The following BMPER variants were observed in gnomAD, a reference collection of about 807,000 sequenced individuals.
The protein encoded by BMPER is BMP binding endothelial regulator.
Under a neutral mutation model 87.3 loss-of-function variants are expected in BMPER, and 45 were observed. The ratio of observed to expected loss-of-function variants is 0.52; its 90% CI spans 0.41 to 0.66. The LOEUF is 0.66. BMPER is among the 30% of genes least tolerant of loss of function. BMPER has a pLI of 0.00. For missense variants in BMPER, 784 were observed against 867.5 expected (o/e 0.90, Z 1.21); for synonymous variants, 326 against 316.2 (o/e 1.03, Z -0.33).
At chr7:34,092,465 T>C (rs1396157112) in intron 13 of BMPER, among the ~76,000 whole-genome samples, 1 of 152,192 alleles carries the variant, frequency 6.6e-6, no homozygotes, top group African/African-American at 2.4e-5. Flanking sequence ...CCTCTTCTTG[T>C]ATGGTGTTAC....
chr7:34,025,365 C>T (rs2127948315), intron 6 of BMPER, among the ~76,000 whole-genome samples: 1 of 152,044 alleles, frequency 6.6e-6, no homozygotes, highest in East Asian at 1.9e-4. Context: ...CAGGGTCAGG[C>T]ACATAGGAGA....
intron 13 of BMPER, among the ~76,000 whole-genome samples, chr7:34,086,461 T>C (rs921565002): frequency 7.9e-5 from 12 of 152,208 alleles, no homozygotes; most frequent in African/African-American, 2.9e-4. Flanking sequence ...CTGGTTCCCC[T>C]AAACGGAATC....
chr7:34,046,245 G>A, intron 6 of BMPER, 61 bp from the exon 7 acceptor site: 1 of 1,501,250 alleles, frequency 6.7e-7, no homozygotes, highest in Non-Finnish European at 9.3e-7. Flanking sequence ...AGATATCTTG[G>A]TTGTACAATC....
intron 2 of BMPER, among the ~76,000 whole-genome samples, chr7:33,929,616 T>A (rs1427482): frequency 0.35 from 52,663 of 152,070 alleles, 9,274 homozygotes; most frequent in African/African-American, 0.4. Context: ...TGAAGCTATA[T>A]AGCATAGTGA....
chr7:33,976,442 T>C (rs1431926836), intron 6 of BMPER, among the ~76,000 whole-genome samples: 1 of 152,196 alleles, frequency 6.6e-6, no homozygotes, highest in Non-Finnish European at 1.5e-5. Flanking sequence ...TGTGAGCCGC[T>C]ATGCCTGGCC....
At chr7:34,101,728 G>C (rs553224433) in intron 13 of BMPER, among the ~76,000 whole-genome samples, 1 of 152,254 alleles carries the variant, frequency 6.6e-6, no homozygotes, top group Admixed American at 6.5e-5. Context: ...CCGACTTCCT[G>C]TCATGCTGGT....
chr7:33,950,003 C>T (rs1784982673), intron 3 of BMPER, among the ~76,000 whole-genome samples: 1 of 152,156 alleles, frequency 6.6e-6, no homozygotes, highest in African/African-American at 2.4e-5. Flanking sequence ...AGTAAGGAAA[C>T]TTAAAACAGA....
chr7:33,996,551 T>G (rs1786416760), intron 6 of BMPER, among the ~76,000 whole-genome samples: 1 of 152,214 alleles, frequency 6.6e-6, no homozygotes, highest in Non-Finnish European at 1.5e-5. Flanking sequence ...GAATCATTTC[T>G]TTTCTTCAGT....
chr7:34,054,168 C>G lies in BMPER; in HGVS notation c.787-995C>G, dbSNP rs546424452. On this transcript the variant is annotated intron_variant, in intron 8 of 14. Coordinates refer to ENST00000649409, the MANE Select transcript of BMPER (RefSeq NM_001365308.1). ...ACCTCCCTTCTTACATTGCGAAGAA[C>G]TCCTTGAGGACAGAAGTACATTTAT... Among the ~76,000 whole-genome samples, 6 of 152,304 alleles carry G rather than the reference C, an allele frequency of 3.9e-5. No individual in the cohort carries two copies. The East Asian group carries it at 1.2e-3, about 29-fold the overall frequency.
chr7:34,014,885 T>A (rs1184521859), intron 6 of BMPER, among the ~76,000 whole-genome samples: 1 of 151,956 alleles, frequency 6.6e-6, no homozygotes, highest in Non-Finnish European at 1.5e-5. Context: ...CTGGCATATT[T>A]TTAGTGTTTC....
intron 11 of BMPER, among the ~76,000 whole-genome samples, chr7:34,062,617 T>A (rs1173371115): frequency 1.3e-5 from 2 of 152,186 alleles, no homozygotes; most frequent in African/African-American, 4.8e-5. Context: ...GAGAAATGCA[T>A]CCTTAGGTGA....
intron 3 of BMPER, among the ~76,000 whole-genome samples, chr7:33,957,191 CAA>C (rs947242765): frequency 4.6e-5 from 7 of 151,680 alleles, no homozygotes; most frequent in African/African-American, 9.7e-5. Context: ...AAACTGGAAA[CAA>C]CCCAGATGCC....
At chr7:34,121,553 C>G (rs938254974) in intron 13 of BMPER, among the ~76,000 whole-genome samples, 5 of 152,150 alleles carry the variant, frequency 3.3e-5, no homozygotes, top group African/African-American at 1.2e-4. Flanking sequence ...TCCTTGACCT[C>G]TTGGGAGTTT....
At chr7:34,005,937 C>T (rs999254848) in intron 6 of BMPER, among the ~76,000 whole-genome samples, 2 of 151,940 alleles carry the variant, frequency 1.3e-5, no homozygotes, top group Non-Finnish European at 2.9e-5. Context: ...AAAATATACT[C>T]ACTAGGTCAA....
chr7:34,114,807 A>G (rs948955883), intron 13 of BMPER, among the ~76,000 whole-genome samples: 6 of 152,198 alleles, frequency 3.9e-5, no homozygotes, highest in African/African-American at 1.4e-4. Flanking sequence ...CTGTGGTAGA[A>G]AGGGGCAACA....
intron 13 of BMPER, among the ~76,000 whole-genome samples, chr7:34,102,117 A>T (rs929384844): frequency 6.8e-6 from 1 of 147,116 alleles, no homozygotes. Context: ...CAAGGTTTCC[A>T]TGAGGTCCCC....
At chr7:34,112,269 C>T (rs6976223) in intron 13 of BMPER, among the ~76,000 whole-genome samples, 114,244 of 151,458 alleles carry the variant, frequency 0.75, 43,845 homozygotes, top group East Asian at 0.95. Context: ...CTGAGGCGGG[C>T]GGATCACAAG....
intron 6 of BMPER, among the ~76,000 whole-genome samples, chr7:34,010,101 A>G (rs1313685077): frequency 1.3e-5 from 2 of 151,946 alleles, no homozygotes; most frequent in Non-Finnish European, 2.9e-5. Flanking sequence ...CTCTCCTTCA[A>G]ACCTGCCATG....
chr7:34,035,779 G>T (rs892620948), intron 6 of BMPER, among the ~76,000 whole-genome samples: 4 of 152,232 alleles, frequency 2.6e-5, no homozygotes, highest in African/African-American at 9.6e-5. Flanking sequence ...TCTGCCCTCT[G>T]TGAACCTTCA....
Sources: allele counts gnomAD v4.1 joint callset (sites outside exome capture counted in the v4.1 genomes callset), GRCh38; gene constraint gnomAD v4.1.1; transcripts MANE v1.5; gene names NCBI Gene and HGNC (gene_info 2026-07-23, HGNC 2026-07-21).